CCDC97: variants seen among roughly 807,000 people sequenced by gnomAD.
CCDC97 encodes coiled-coil domain-containing protein 97.
CCDC97 carries 27 observed loss-of-function variants against 33.9 expected under a neutral mutation model. The observed-to-expected ratio is 0.80, with a 90% CI of 0.59 to 1.10. The LOEUF is 1.10. CCDC97 is among the 50% of genes least tolerant of loss of function. The pLI is 0.00. For synonymous variants in CCDC97, 217 were observed against 194.0 expected (o/e 1.12, Z -0.99); for missense variants, 422 against 476.6 (o/e 0.89, Z 1.07).
intron 3 of CCDC97, 107 bp from the exon 4 acceptor site, chr19:41,320,234 C>T (rs1017785715): frequency 2.7e-6 from 4 of 1,455,102 alleles, no homozygotes; most frequent in African/African-American, 1.4e-5. Flanking sequence ...TTCCCAGAGC[C>T]ACCCAGCGCA....
In CCDC97 at chr19:41,310,352, T is replaced by G; in HGVS notation, c.42T>G (p.Asp14Glu). The G allele has an allele frequency of 6.2e-7, 1 of 1,605,764 alleles. No individual in the cohort carries two copies. Among genetic ancestry groups the G allele is most frequent in the Non-Finnish European group, 8.5e-7 (1 of 1,176,678 alleles). Reference sequence around the variant, plus strand: ...CGGCGACGGCGGCGAAGGAACCCGATAAGGGTGAGATCTTGGTCACGCGCA... The same window carrying G: ...CGGCGACGGCGGCGAAGGAACCCGAGAAGGGTGAGATCTTGGTCACGCGCA... ...VATATAAKEP[D>E]KGCIEPGPGH... Residue 14 changes from aspartate to glutamate, a missense_variant, in exon 1 of 5, where the codon GAT (aspartate) becomes GAG (glutamate). Transcript: ENST00000269967.
chr19:41,312,361 A>C (rs1248831659), intron 1 of CCDC97, among the ~76,000 whole-genome samples: 1 of 152,204 alleles, frequency 6.6e-6, no homozygotes, highest in Non-Finnish European at 1.5e-5. Context: ...CTGGGATTAC[A>C]GGTGTGAGCC....
At chr19:41,316,952 G>T in intron 2 of CCDC97, 113 bp downstream of exon 2, 1 of 837,806 alleles carries the variant, frequency 1.2e-6, no homozygotes, top group Non-Finnish European at 1.8e-6. Flanking sequence ...TGGGAGAGAA[G>T]TTCTGAGACA....
At chr19:41,311,044 T>G (rs780864333) in intron 1 of CCDC97, 95 of 211,490 alleles carry the variant, frequency 4.5e-4, no homozygotes, top group Non-Finnish European at 7.2e-4. Context: ...TTGTACTTTC[T>G]ACTTTTGTGT....
chr19:41,320,229 A>G, intron 3 of CCDC97, 112 bp from the exon 4 acceptor site: 1 of 1,442,838 alleles, frequency 6.9e-7, no homozygotes, highest in South Asian at 1.3e-5. Flanking sequence ...GTGTGTTCCC[A>G]GAGCCACCCA....
intron 1 of CCDC97, among the ~76,000 whole-genome samples, chr19:41,313,779 A>C (rs2037713781): frequency 6.6e-6 from 1 of 152,020 alleles, no homozygotes; most frequent in Non-Finnish European, 1.5e-5. Context: ...GGCTCACTGC[A>C]ACCTCTGCCT....
chr19:41,311,362 T>C (rs891117264), intron 1 of CCDC97, among the ~76,000 whole-genome samples: 10 of 152,062 alleles, frequency 6.6e-5, no homozygotes, highest in African/African-American at 2.2e-4. Context: ...CTCCAGCCTC[T>C]GCAGCAGAGT....
chr19:41,322,796 C>A lies in CCDC97; in HGVS notation c.*81C>A, dbSNP rs560311858. The A allele has an allele frequency of 3.3e-6, 5 of 1,520,964 alleles. No individual in the cohort carries two copies. The highest frequency in any genetic ancestry group is 3.6e-5 in the Admixed American group (2 of 55,154). 94.2% of individuals were successfully genotyped at this position (1,520,964 alleles called of 1,614,324 possible). A position where few individuals can be genotyped will look rare whatever the true frequency, so the allele number is the denominator to read the frequency against. ...TTCCAGGCCTGCTCAGTGACCCTTT[C>A]TCTAGGGGGACATCAGGGCAGTGCC... On this transcript the variant is annotated 3_prime_UTR_variant, in exon 5 of 5. Coordinates refer to ENST00000269967, the MANE Select transcript of CCDC97 (RefSeq NM_052848.3).
chr19:41,318,900 C>T (rs965264435), intron 2 of CCDC97, among the ~76,000 whole-genome samples: 2 of 152,088 alleles, frequency 1.3e-5, no homozygotes, highest in Admixed American at 6.5e-5. Context: ...TACACACATA[C>T]ACGCCCCACA....
rs765298122 is a variant in CCDC97, at chr19:41,316,499, CA to C, written c.163del (p.Thr55ProfsTer9). 3 of 1,614,200 alleles carry C rather than the reference CA, an allele frequency of 1.9e-6. No individual in the cohort carries two copies. The highest frequency in any genetic ancestry group is 1.7e-5 in the Admixed American group (1 of 60,036). ...CAACACCAGTGGCCCTGGACAGTGACACCTCCGGGGCTGAAAATGCAGCAGT... is the reference window on the plus strand; with the variant it reads ...CAACACCAGTGGCCCTGGACAGTGACCCTCCGGGGCTGAAAATGCAGCAGT... ...EATPVALDSDTSGAENAAVSA... is the reference protein window; with the variant it reads ...EATPVALDSDXSGAENAAVSA... On this transcript the variant is annotated frameshift_variant, in exon 2 of 5. Transcript: ENST00000269967. LOFTEE classifies it high-confidence loss of function.
rs200306132 is a variant in CCDC97 at position 41,320,366 on chromosome 19, G to C, written c.807G>C (p.Glu269Asp). The C allele has an allele frequency of 3.7e-6, 6 of 1,614,118 alleles. No individual in the cohort carries two copies. Among genetic ancestry groups the C allele is most frequent in the South Asian group, 2.2e-5 (2 of 91,088 alleles). Reference protein sequence around the residue: ...EEDQRSGKDSEAWVPDSEERL... With the variant: ...EEDQRSGKDSDAWVPDSEERL... The stretch of plus-strand genomic sequence containing the variant: ...ACCAGAGGTCAGGCAAGGACTCGGA[G>C]GCCTGGGTTCCCGACTCGGAGGAGA... Residue 269 changes from glutamate to aspartate, a missense_variant, in exon 4 of 5, where the codon GAG becomes GAC. By Grantham distance (45) the Glu-to-Asp change is conservative. Coordinates refer to ENST00000269967, the MANE Select transcript of CCDC97 (RefSeq NM_052848.3).
chr19:41,317,779 G>A (rs1306460239), intron 2 of CCDC97, among the ~76,000 whole-genome samples: 1 of 151,358 alleles, frequency 6.6e-6, no homozygotes, highest in Non-Finnish European at 1.5e-5. Context: ...GCCGGGCACA[G>A]TCACTCAAGC....
Position 41,316,487 on chromosome 19 carries a change from C to T in CCDC97, c.150C>T (p.Ala50=), listed in dbSNP as rs2123056945. Residue 50 remains alanine, a synonymous_variant, in exon 2 of 5, where the codon GCC becomes GCT. Transcript: ENST00000269967. Reference sequence around the variant, plus strand: ...AAGCAGCTGAGGCAACACCAGTGGCCCTGGACAGTGACACCTCCGGGGCTG... The same window carrying T: ...AAGCAGCTGAGGCAACACCAGTGGCTCTGGACAGTGACACCTCCGGGGCTG... ...KVEAAEATPV[A]LDSDTSGAEN... is the part of the protein sequence containing the mutation. 1.2e-6 allele frequency: 2 copies of T among 1,614,186 alleles called. No individual in the cohort carries two copies. The highest frequency in any genetic ancestry group is 1.7e-6 in the Non-Finnish European group (2 of 1,180,012).
intron 1 of CCDC97, 69 bp downstream of exon 1, chr19:41,310,425 A>G: frequency 1.3e-6 from 2 of 1,549,086 alleles, no homozygotes; most frequent in Non-Finnish European, 8.7e-7. Flanking sequence ...TGATTCCCCC[A>G]GGAACGCGAA....
chr19:41,311,043 C>G (rs1330674724), intron 1 of CCDC97: 1 of 216,352 alleles, frequency 4.6e-6, no homozygotes, highest in African/African-American at 2.4e-5. Context: ...GTTGTACTTT[C>G]TACTTTTGTG....
intron 2 of CCDC97, 38 bp from the exon 3 acceptor site, chr19:41,319,536 C>T (rs771113436): frequency 1.3e-5 from 19 of 1,458,798 alleles, no homozygotes; most frequent in East Asian, 9.1e-5. Context: ...TCTGCTCAGT[C>T]GCTCACCCCA....
At chr19:41,311,505 G>A (rs1309823751) in intron 1 of CCDC97, among the ~76,000 whole-genome samples, 1 of 152,102 alleles carries the variant, frequency 6.6e-6, no homozygotes, top group African/African-American at 2.4e-5. Context: ...GGCGGAGGCA[G>A]GAAGATCACC....
intron 1 of CCDC97, among the ~76,000 whole-genome samples, chr19:41,311,481 G>C (rs973299357): frequency 6.6e-6 from 1 of 152,006 alleles, no homozygotes; most frequent in Middle Eastern, 3.4e-3. Flanking sequence ...ACCTGTAATC[G>C]CAGCACTTTG....
Position 41,322,765 on chromosome 19 carries a change from A to G in CCDC97, c.*50A>G. 6.3e-7 allele frequency: 1 copy of G among 1,595,920 alleles called. No individual in the cohort carries two copies. Among genetic ancestry groups the G allele is most frequent in the East Asian group, 2.2e-5 (1 of 44,558 alleles). ...GCCCCATCCCCATCCCCAACAAGGC[A>G]GCTGATTCCAGGCCTGCTCAGTGAC... On this transcript the variant is annotated 3_prime_UTR_variant, in exon 5 of 5. Coordinates refer to ENST00000269967, the MANE Select transcript of CCDC97 (RefSeq NM_052848.3).
Sources: allele counts gnomAD v4.1 joint callset (sites outside exome capture counted in the v4.1 genomes callset), GRCh38; gene constraint gnomAD v4.1.1; transcripts MANE v1.5; gene names NCBI Gene and HGNC (gene_info 2026-07-23, HGNC 2026-07-21).